DPF3: variants seen among roughly 807,000 people sequenced by gnomAD.
The protein encoded by DPF3 is double PHD fingers 3, also known as zinc finger protein DPF3.
A neutral mutation model predicts 56.8 loss-of-function variants in DPF3; 18 were observed. That is an observed-to-expected ratio of 0.32 (90% CI 0.22 to 0.47). The LOEUF (loss-of-function observed/expected upper bound fraction) is 0.47. Among genes scored for constraint, DPF3 ranks in the 20% least tolerant of loss-of-function variants. The pLI, the probability that DPF3 is intolerant of heterozygous loss-of-function variation, is 1.00. For synonymous variants in DPF3, 188 were observed against 180.2 expected (o/e 1.04, Z -0.35); for missense variants, 403 against 488.8 (o/e 0.82, Z 1.65).
rs184213623 is a variant in DPF3, at chr14:72,849,442, C to T, written c.32+44615G>A. Among the ~76,000 whole-genome samples, 950 of 152,316 alleles carry T rather than the reference C, an allele frequency of 6.2e-3. 5 individuals are homozygous for T. Among genetic ancestry groups the T allele is most frequent in the Non-Finnish European group, 0.01 (684 of 68,020 alleles). Reference sequence around the variant, plus strand: ...CCTCCTTGACCTCTGCACTCTTCTGCCCACGCTGCTGCCGCCCACATCTTG... The same window carrying T: ...CCTCCTTGACCTCTGCACTCTTCTGTCCACGCTGCTGCCGCCCACATCTTG... On this transcript the variant is annotated intron_variant, in intron 1 of 10. Transcript: ENST00000556509.
In DPF3 at chr14:72,645,906, C is replaced by T. The variant is rs372456226; in HGVS notation, c.872-16170G>A. On this transcript the variant is annotated intron_variant, in intron 8 of 10. Coordinates refer to ENST00000556509, the MANE Select transcript of DPF3 (RefSeq NM_001280542.3). ...CCAAACCTGTCAAACAGGTTGTCTA[C>T]ACTCCGGCTACACAAAAGTGGGCCC... Among the ~76,000 whole-genome samples, 11 of 152,170 alleles carry T rather than the reference C, an allele frequency of 7.2e-5. No individual in the cohort carries two copies. In the South Asian group the frequency reaches 2.3e-3, roughly 32 times the overall value.
rs959103594 is a variant in DPF3, at chr14:72,613,011, T to C, written c.*6286A>G. On this transcript the variant is annotated 3_prime_UTR_variant, in exon 11 of 11. Transcript: ENST00000556509. ...AGTAGGGCGTGTGTGTGTGTGTGTG[T>C]GTGTGTGTGTGTGTGTGTGTATGTG... 1.3e-3 allele frequency among the ~76,000 whole-genome samples: 191 copies of C among 151,680 alleles called. No homozygotes were observed. The highest frequency in any genetic ancestry group is 4.4e-3 in the African/African-American group (181 of 41,278).
intron 1 of DPF3, among the ~76,000 whole-genome samples, chr14:72,824,741 T>C (rs574794335): frequency 3.3e-5 from 5 of 151,916 alleles, no homozygotes; most frequent in Non-Finnish European, 7.4e-5. Context: ...CTGGCTAATT[T>C]TTGTATTTTT....
At chr14:72,718,557 ATT>A (rs1470654206) in intron 5 of DPF3, among the ~76,000 whole-genome samples, 1 of 152,132 alleles carries the variant, frequency 6.6e-6, no homozygotes, top group African/African-American at 2.4e-5. Context: ...CTAGTTTAAA[ATT>A]TGTTTTATTT....
intron 1 of DPF3, among the ~76,000 whole-genome samples, chr14:72,776,971 T>C (rs548440887): frequency 4.6e-4 from 70 of 152,284 alleles, no homozygotes; most frequent in African/African-American, 1.7e-3. Flanking sequence ...TTATTTCATT[T>C]ATCAGGAAGT....
At chr14:72,780,991 G>A (rs906507160) in intron 1 of DPF3, among the ~76,000 whole-genome samples, 1 of 152,190 alleles carries the variant, frequency 6.6e-6, no homozygotes, top group Non-Finnish European at 1.5e-5. Flanking sequence ...CTTGGGATGT[G>A]ATCCAGACAT....
rs533363742 is a variant in DPF3, at chr14:72,741,148, G to A, written c.302-9214C>T. Among the ~76,000 whole-genome samples the A allele has an allele frequency of 2.6e-5, 4 of 152,322 alleles. No individual in the cohort carries two copies. The East Asian group carries it at 5.8e-4, about 22-fold the overall frequency. ...CCAGCGGGGCAGTGAGCTGTCTGCA[G>A]CAAATTCATTTTCGGTGTTGGGGAC... On this transcript the variant is annotated intron_variant, in intron 3 of 10. Transcript: ENST00000556509.
chr14:72,812,811 C>A (rs1420071021), intron 1 of DPF3, among the ~76,000 whole-genome samples: 2 of 152,310 alleles, frequency 1.3e-5, no homozygotes, highest in Admixed American at 1.3e-4. Flanking sequence ...TTGGCAGTGG[C>A]AGGGCCCATG....
At chr14:72,718,943 C>T (rs1889053439) in intron 5 of DPF3, among the ~76,000 whole-genome samples, 1 of 151,234 alleles carries the variant, frequency 6.6e-6, no homozygotes. Flanking sequence ...GCTAATTTTT[C>T]ATATTTTTAG....
At chr14:72,864,273 A>T (rs1885572330) in intron 1 of DPF3, among the ~76,000 whole-genome samples, 1 of 152,032 alleles carries the variant, frequency 6.6e-6, no homozygotes, top group Non-Finnish European at 1.5e-5. Flanking sequence ...GTCTCTGCTC[A>T]ATCACCACCT....
chr14:72,790,226 A>AAAT (rs1892373241), intron 1 of DPF3, among the ~76,000 whole-genome samples: 2 of 152,278 alleles, frequency 1.3e-5, no homozygotes, highest in South Asian at 4.1e-4. Flanking sequence ...ATCTCTTAAA[A>AAAT]AATAATAATA....
chr14:72,675,560 A>G (rs1886874439), intron 7 of DPF3: 1 of 152,188 alleles, frequency 6.6e-6, no homozygotes, highest in Admixed American at 6.5e-5. Context: ...TACCATCCAG[A>G]CAGTAAGTGA....
chr14:72,758,823 T>C (rs965736260), intron 2 of DPF3, among the ~76,000 whole-genome samples: 1 of 152,198 alleles, frequency 6.6e-6, no homozygotes, highest in African/African-American at 2.4e-5. Flanking sequence ...TCAAACTGTT[T>C]TCAAATAACT....
At chr14:72,874,260 C>T (rs369875121) in intron 1 of DPF3, among the ~76,000 whole-genome samples, 19 of 151,714 alleles carry the variant, frequency 1.3e-4, no homozygotes, top group African/African-American at 4.1e-4. Flanking sequence ...GGGCAGATCA[C>T]GGGGTCAGGA....
chr14:72,878,736 AG>A (rs1449454130), intron 1 of DPF3, among the ~76,000 whole-genome samples: 1 of 152,248 alleles, frequency 6.6e-6, no homozygotes, highest in African/African-American at 2.4e-5. Flanking sequence ...CAAAGCAAAA[AG>A]GTTTGTCTTT....
At chr14:72,670,223 C>T (rs558069673) in intron 8 of DPF3, 22 of 985,992 alleles carry the variant, frequency 2.2e-5, no homozygotes, top group Middle Eastern at 5.2e-4. Flanking sequence ...TCCAGAAGCA[C>T]GGCCTCGGCC....
chr14:72,861,700 G>GAGAGAGAGAAAGAAGAA (rs1316570619), intron 1 of DPF3, among the ~76,000 whole-genome samples: 1 of 131,590 alleles, frequency 7.6e-6, no homozygotes, highest in Non-Finnish European at 1.6e-5. Flanking sequence ...AAGAAAGAAA[G>GAGAGAGAGAAAGAAGAA]AGAGAGAGAA....
At chr14:72,892,621 C>T (rs1451493789) in intron 1 of DPF3, 2 of 1,193,470 alleles carry the variant, frequency 1.7e-6, no homozygotes, top group Non-Finnish European at 2.1e-6. Flanking sequence ...TTTTCAACTC[C>T]AGGAGTGGCC....
chr14:72,760,071 A>C (rs1242142916), intron 2 of DPF3, among the ~76,000 whole-genome samples: 3 of 152,234 alleles, frequency 2.0e-5, no homozygotes, highest in African/African-American at 7.2e-5. Context: ...ATTTGGATCT[A>C]CACAAAGGAA....
Sources: allele counts gnomAD v4.1 joint callset (sites outside exome capture counted in the v4.1 genomes callset), GRCh38; gene constraint gnomAD v4.1.1; transcripts MANE v1.5; gene names NCBI Gene and HGNC (gene_info 2026-07-23, HGNC 2026-07-21).